Variants in CCDC82 observed in about 807,000 individuals in gnomAD.
The protein encoded by CCDC82 is coiled-coil domain-containing protein 82.
In CCDC82, 47 loss-of-function variants were observed where a neutral mutation model predicts 60.6. The observed-to-expected ratio is 0.77, with a 90% CI of 0.61 to 0.99. The LOEUF is 0.99. Among genes scored for constraint, CCDC82 ranks in the 50% least tolerant of loss-of-function variants. The pLI is 0.00. For missense variants in CCDC82, 588 were observed against 633.0 expected (o/e 0.93, Z 0.76); for synonymous variants, 212 against 207.4 (o/e 1.02, Z -0.19).
intron 7 of CCDC82, 54 bp downstream of exon 7, chr11:96,370,959 G>T: frequency 7.0e-7 from 1 of 1,424,324 alleles, no homozygotes; most frequent in South Asian, 1.7e-5. Context: ...TTAAAATCCT[G>T]AGAGGTTTGC....
At chr11:96,387,412 T>G (rs1228290400) in intron 2 of CCDC82, 118 bp downstream of exon 2, 2 of 152,174 alleles carry the variant, frequency 1.3e-5, no homozygotes, top group Non-Finnish European at 2.9e-5. Flanking sequence ...AAAAGAAACT[T>G]TAAGTTTTTA....
chr11:96,371,273 C>T, intron 6 of CCDC82, 136 bp from the exon 7 acceptor site: 1 of 587,842 alleles, frequency 1.7e-6, no homozygotes, highest in South Asian at 3.6e-5. Flanking sequence ...AAAATCATTC[C>T]ATCAGAACAT....
At position 96,371,012 on chromosome 11, in the gene CCDC82, C is replaced by A; in HGVS notation, c.1209+1G>T. ...CAGAGATTCAAAAACAAACTGTGTACCTTATATTGCTCTTTCCAACGACTT... is the reference window on the plus strand; with the variant it reads ...CAGAGATTCAAAAACAAACTGTGTAACTTATATTGCTCTTTCCAACGACTT... On this transcript the variant is annotated splice_donor_variant, in intron 7 of 9. Transcript: ENST00000646818. LOFTEE classifies it high-confidence loss of function. The A allele has an allele frequency of 1.3e-6, 2 of 1,583,878 alleles. No individual in the cohort carries two copies.
chr11:96,383,573 C>T (rs754146564), intron 4 of CCDC82, 100 bp from the exon 5 acceptor site: 80 of 732,294 alleles, frequency 1.1e-4, no homozygotes, highest in Non-Finnish European at 1.6e-4. Flanking sequence ...AAAAATGATC[C>T]ATAGTAATTA....
At chr11:96,385,555 GCCTCTTTATA>G (rs1866146613) in intron 3 of CCDC82, 1 of 152,136 alleles carries the variant, frequency 6.6e-6, no homozygotes, top group African/African-American at 2.4e-5. Context: ...TAAGATTGTA[GCCTCTTTATA>G]CCTTAGTAAA....
chr11:96,361,897 T>C (rs1864680887), intron 8 of CCDC82, among the ~76,000 whole-genome samples: 1 of 152,224 alleles, frequency 6.6e-6, no homozygotes, highest in Non-Finnish European at 1.5e-5. Flanking sequence ...AAATAGGTGC[T>C]GTGGTGAGTG....
chr11:96,376,583 A>G (rs1865589142), intron 5 of CCDC82, among the ~76,000 whole-genome samples: 1 of 151,844 alleles, frequency 6.6e-6, no homozygotes, highest in Non-Finnish European at 1.5e-5. Context: ...GCCCGCCACC[A>G]TGCCTGGCTA....
At chr11:96,380,784 A>C (rs1865836996) in intron 5 of CCDC82, 1 of 151,836 alleles carries the variant, frequency 6.6e-6, no homozygotes, top group Non-Finnish European at 1.5e-5. Flanking sequence ...TGGCAAAAGC[A>C]AAACTATGGA....
Position 96,353,265 on chromosome 11 carries a change from GA to G in CCDC82, c.*380del. ...ATTTAATACTGTAAAAGAATAAACA[GA>G]TCTGGACAGGAATTCCGTAAAAATA... On this transcript the variant is annotated 3_prime_UTR_variant, in exon 10 of 10. Coordinates refer to ENST00000646818, the MANE Select transcript of CCDC82 (RefSeq NM_024725.4). The G allele has an allele frequency of 5.8e-6, 1 of 173,128 alleles. No homozygotes were observed. Among genetic ancestry groups the G allele is most frequent in the Admixed American group, 6.2e-5 (1 of 16,182 alleles). 10.7% of individuals were successfully genotyped at this position (173,128 alleles called of 1,614,324 possible). A position where few individuals can be genotyped will look rare whatever the true frequency, so the allele number is the denominator to read the frequency against.
At position 96,384,491 on chromosome 11, in the gene CCDC82, T is replaced by C; in HGVS notation, c.257A>G (p.Asn86Ser). 6.2e-7 allele frequency: 1 copy of C among 1,613,848 alleles called. No homozygotes were observed. ...NKTPGSEREL[N>S]LSKIQSEGND... ...TCCTTCACTTTGAATTTTACTTAAG[T>C]TGAGCTCTCTTTCACTTCCTGGTGT... is the stretch of plus-strand genomic sequence containing the variant. Residue 86 changes from asparagine (N) to serine (S), a missense_variant, in exon 4 of 10, where the codon AAC becomes AGC. Coordinates refer to ENST00000646818, the MANE Select transcript of CCDC82 (RefSeq NM_024725.4).
chr11:96,376,610 T>A (rs187725280), intron 5 of CCDC82, among the ~76,000 whole-genome samples: 76 of 152,164 alleles, frequency 5.0e-4, no homozygotes, highest in African/African-American at 1.8e-3. Context: ...GTACTTTTAG[T>A]AGAGACAGGG....
At chr11:96,386,070 T>TTCA (rs1194945976) in intron 3 of CCDC82, 184 bp downstream of exon 3, 1 of 152,174 alleles carries the variant, frequency 6.6e-6, no homozygotes, top group East Asian at 1.9e-4. Context: ...AAACAGTGAC[T>TTCA]TTAACACCCA....
intron 5 of CCDC82, among the ~76,000 whole-genome samples, chr11:96,377,773 G>A (rs1398113312): frequency 6.6e-6 from 1 of 151,634 alleles, no homozygotes; most frequent in African/African-American, 2.4e-5. Flanking sequence ...CTTTATTCTT[G>A]TAATTACATA....
At position 96,373,372 on chromosome 11, in the gene CCDC82, T is replaced by G; in HGVS notation, c.1084+3A>C. The G allele has an allele frequency of 1.9e-6, 3 of 1,561,778 alleles. No homozygotes were observed. The highest frequency in any genetic ancestry group is 2.6e-6 in the Non-Finnish European group (3 of 1,141,912). ...AATTGTTTCATTCATAGTATTAACT[T>G]ACCATATAATGTTCCCAGAAAAGAT... is the stretch of plus-strand genomic sequence containing the variant. On this transcript the variant is annotated splice_donor_region_variant and intron_variant, in intron 6 of 9. Coordinates refer to ENST00000646818, the MANE Select transcript of CCDC82 (RefSeq NM_024725.4).
rs562263655 is a variant in CCDC82 at position 96,353,332 on chromosome 11, T to C, written c.*314A>G. On this transcript the variant is annotated 3_prime_UTR_variant, in exon 10 of 10. Transcript: ENST00000646818. ...CTAAATACATTTTTAAGATACAATA[T>C]ATTTTGACTAAACTGACAGGATATC... 1.1e-3 allele frequency: 238 copies of C among 215,452 alleles called. No individual in the cohort carries two copies. The highest frequency in any genetic ancestry group is 5.1e-3 in the African/African-American group (221 of 43,270). 13.3% of individuals were successfully genotyped at this position (215,452 alleles called of 1,614,324 possible). A position where few individuals can be genotyped will look rare whatever the true frequency, so the allele number is the denominator to read the frequency against.
intron 7 of CCDC82, 90 bp downstream of exon 7, chr11:96,370,923 T>C: frequency 8.8e-7 from 1 of 1,131,494 alleles, no homozygotes; most frequent in Non-Finnish European, 1.2e-6. Flanking sequence ...CATGCCAATA[T>C]TTTAGAAGAT....
chr11:96,380,298 GAA>G (rs1865802034), intron 5 of CCDC82, among the ~76,000 whole-genome samples: 1 of 151,624 alleles, frequency 6.6e-6, no homozygotes, highest in African/African-American at 2.4e-5. Flanking sequence ...ACAAGTTGAG[GAA>G]AAAGAGTTTG....
intron 6 of CCDC82, among the ~76,000 whole-genome samples, chr11:96,372,818 A>G (rs756697602): frequency 5.3e-5 from 8 of 150,426 alleles, no homozygotes; most frequent in African/African-American, 1.5e-4. Context: ...TACATTTTCA[A>G]TACAACATGA....
intron 6 of CCDC82, among the ~76,000 whole-genome samples, chr11:96,372,716 A>G (rs546875373): frequency 3.4e-5 from 5 of 144,990 alleles, no homozygotes; most frequent in African/African-American, 5.1e-5. Flanking sequence ...ATATACATAT[A>G]TATTTATATA....
Sources: gnomAD v4.1 joint callset for allele counts (sites outside exome capture counted in the v4.1 genomes callset) on GRCh38, gnomAD v4.1.1 for gene constraint, MANE v1.5 for transcripts, NCBI Gene and HGNC (gene_info 2026-07-23, HGNC 2026-07-21) for gene names.